The following FBN1 variants were observed in gnomAD, a reference collection of about 807,000 sequenced individuals.
The protein encoded by FBN1 is fibrillin 1, also known as fibrillin-1.
Under a neutral mutation model 365.1 loss-of-function variants are expected in FBN1, and 29 were observed. That is an observed-to-expected ratio of 0.08 (90% CI 0.06 to 0.11). The LOEUF (loss-of-function observed/expected upper bound fraction) is 0.11, where lower values mean the gene tolerates loss of function less well. FBN1 is among the 10% of genes least tolerant of loss of function. The probability of loss-of-function intolerance (pLI) is 1.00; values close to 1 mark genes in which losing one functional copy is unlikely to be tolerated. For missense variants in FBN1, 2,476 were observed against 3,703.2 expected (o/e 0.67, Z 8.60); for synonymous variants, 1,210 against 1,270.5 (o/e 0.95, Z 1.01).
chr15:48,574,788 G>A (rs957954848), intron 6 of FBN1, among the ~76,000 whole-genome samples: 3 of 152,134 alleles, frequency 2.0e-5, no homozygotes, highest in African/African-American at 7.2e-5. Context: ...GGACAATCAG[G>A]AGGCTTCCAT....
At chr15:48,572,228 GT>G (rs2044311397) in intron 6 of FBN1, among the ~76,000 whole-genome samples, 1 of 152,166 alleles carries the variant, frequency 6.6e-6, no homozygotes, top group African/African-American at 2.4e-5. Flanking sequence ...GGATCGAAAT[GT>G]TAAAAGGTCT....
chr15:48,477,855 T>C (rs954003055), intron 32 of FBN1, among the ~76,000 whole-genome samples: 2 of 152,296 alleles, frequency 1.3e-5, no homozygotes, highest in Middle Eastern at 3.4e-3. Context: ...CACCAAACCT[T>C]TGTCACAAAG....
At chr15:48,612,938 T>C (rs528754760) in intron 3 of FBN1, 72 bp downstream of exon 3, 170 of 1,133,776 alleles carry the variant, frequency 1.5e-4, no homozygotes, top group Non-Finnish European at 2.1e-4. Context: ...AAAGGCCACA[T>C]TCTAAGGCTC....
intron 7 of FBN1, 63 bp downstream of exon 7, chr15:48,537,548 G>A: frequency 6.3e-7 from 1 of 1,586,892 alleles, no homozygotes. Context: ...CAACTTCATT[G>A]GAGAATGGCT....
chr15:48,453,077 T>G (rs2043213260), intron 44 of FBN1, among the ~76,000 whole-genome samples: 1 of 151,664 alleles, frequency 6.6e-6, no homozygotes, highest in Non-Finnish European at 1.5e-5. Context: ...ACCAACATGG[T>G]GAAACCCCGT....
chr15:48,494,649 G>T (rs1394940174), intron 22 of FBN1, among the ~76,000 whole-genome samples: 2 of 152,248 alleles, frequency 1.3e-5, no homozygotes, highest in East Asian at 3.9e-4. Flanking sequence ...ATGGCCTCCA[G>T]CATTCACATA....
At chr15:48,626,660 T>G (rs979011479) in intron 2 of FBN1, among the ~76,000 whole-genome samples, 1 of 152,218 alleles carries the variant, frequency 6.6e-6, no homozygotes, top group Non-Finnish European at 1.5e-5. Context: ...TTGCTGAGAT[T>G]ATTTCATTGA....
chr15:48,446,613 TA>T, intron 47 of FBN1, 92 bp downstream of exon 47: 1 of 823,534 alleles, frequency 1.2e-6, no homozygotes, highest in Non-Finnish European at 2.2e-6. Context: ...CATACATTTT[TA>T]AAAGACAGCT....
chr15:48,482,554 G>A (rs1157200957), intron 31 of FBN1, among the ~76,000 whole-genome samples: 2 of 152,166 alleles, frequency 1.3e-5, no homozygotes, highest in African/African-American at 4.8e-5. Flanking sequence ...ATAAGGAGGA[G>A]GTACCAGATG....
intron 8 of FBN1, among the ~76,000 whole-genome samples, chr15:48,532,502 GTGTA>G (rs1446094242): frequency 6.8e-6 from 1 of 147,852 alleles, no homozygotes; most frequent in Non-Finnish European, 1.5e-5. Flanking sequence ...ATATATATAT[GTGTA>G]TGTGTGTGTG....
intron 8 of FBN1, among the ~76,000 whole-genome samples, chr15:48,527,509 T>C (rs1011304892): frequency 6.6e-6 from 1 of 152,200 alleles, no homozygotes; most frequent in Non-Finnish European, 1.5e-5. Flanking sequence ...CTGGGAGTAT[T>C]ACAATGGCCA....
chr15:48,545,988 A>G (rs1343965638), intron 6 of FBN1, among the ~76,000 whole-genome samples: 1 of 152,188 alleles, frequency 6.6e-6, no homozygotes, highest in Non-Finnish European at 1.5e-5. Flanking sequence ...AGCCTGGGCA[A>G]CAGAGTGACA....
At chr15:48,568,651 A>T (rs1394471590) in intron 6 of FBN1, among the ~76,000 whole-genome samples, 4 of 152,108 alleles carry the variant, frequency 2.6e-5, no homozygotes, top group Non-Finnish European at 5.9e-5. Context: ...CAGAGATTAG[A>T]TCAATGAAAC....
At chr15:48,468,572 G>C (rs1434622585) in intron 36 of FBN1, 38 bp from the exon 37 acceptor site, 3 of 1,612,390 alleles carry the variant, frequency 1.9e-6, no homozygotes, top group Admixed American at 1.7e-5. Context: ...TATCACCTGA[G>C]CCAGTGTAGG....
chr15:48,619,364 T>C (rs1283492412), intron 2 of FBN1, among the ~76,000 whole-genome samples: 1 of 152,102 alleles, frequency 6.6e-6, no homozygotes, highest in Non-Finnish European at 1.5e-5. Context: ...TTTCAAGAGC[T>C]TTATCCCCTT....
intron 5 of FBN1, among the ~76,000 whole-genome samples, chr15:48,597,691 A>C (rs1278004240): frequency 6.6e-6 from 1 of 152,214 alleles, no homozygotes; most frequent in Non-Finnish European, 1.5e-5. Context: ...TTTTTAACCA[A>C]AAATTATGGC....
At chr15:48,457,800 TCTAA>T (rs2043252280) in intron 43 of FBN1, among the ~76,000 whole-genome samples, 1 of 152,120 alleles carries the variant, frequency 6.6e-6, no homozygotes, top group Non-Finnish European at 1.5e-5. Context: ...CTATGACTAT[TCTAA>T]CTAAGAGATG....
chr15:48,428,815 A>G (rs1456720796), intron 56 of FBN1, among the ~76,000 whole-genome samples: 2 of 152,194 alleles, frequency 1.3e-5, no homozygotes, highest in East Asian at 3.8e-4. Context: ...TCTTTCCTAT[A>G]TAGTTTGTAA....
chr15:48,517,565 A>G (rs2141332624), intron 10 of FBN1, among the ~76,000 whole-genome samples: 1 of 152,302 alleles, frequency 6.6e-6, no homozygotes, highest in East Asian at 1.9e-4. Flanking sequence ...TTATCAAATA[A>G]ATCATCTTTA....
Sources: allele counts gnomAD v4.1 joint callset (sites outside exome capture counted in the v4.1 genomes callset), GRCh38; gene constraint gnomAD v4.1.1; transcripts MANE v1.5; gene names NCBI Gene and HGNC (gene_info 2026-07-23, HGNC 2026-07-21).